PALLD: variants seen among roughly 807,000 people sequenced by gnomAD.
PALLD encodes the protein palladin, cytoskeletal associated protein, also known as palladin.
PALLD carries 61 observed loss-of-function variants against 123.5 expected under a neutral mutation model. The ratio of observed to expected loss-of-function variants is 0.49; its 90% CI spans 0.40 to 0.61. PALLD has a LOEUF of 0.61. Ranked by LOEUF, PALLD falls within the 20% of genes least tolerant of loss-of-function variation. PALLD has a pLI of 0.00. For missense variants in PALLD, 1,273 were observed against 1,377.0 expected (o/e 0.92, Z 1.20); for synonymous variants, 465 against 496.4 (o/e 0.94, Z 0.84).
At chr4:168,801,152 C>A (rs1739265301) in intron 10 of PALLD, among the ~76,000 whole-genome samples, 1 of 152,166 alleles carries the variant, frequency 6.6e-6, no homozygotes, top group Non-Finnish European at 1.5e-5. Context: ...ATTGCGGTTA[C>A]CCTGGGAAAA....
At chr4:168,924,485 ATT>A in intron 19 of PALLD, 65 bp downstream of exon 19, 1 of 1,394,856 alleles carries the variant, frequency 7.2e-7, no homozygotes, top group Non-Finnish European at 1.0e-6. Flanking sequence ...CAAAAGATAC[ATT>A]TTATATAGCA....
At chr4:168,707,638 C>T (rs1410936260) in intron 8 of PALLD, among the ~76,000 whole-genome samples, 5 of 152,138 alleles carry the variant, frequency 3.3e-5, no homozygotes. Context: ...AGGGCCAGCC[C>T]AGGTTCAACG....
intron 3 of PALLD, among the ~76,000 whole-genome samples, chr4:168,675,959 G>C (rs1024080724): frequency 6.6e-6 from 1 of 152,166 alleles, no homozygotes; most frequent in Admixed American, 6.5e-5. Context: ...GGAAGGCTGA[G>C]GTGGGAGGGT....
chr4:168,619,496 G>T lies in PALLD; in HGVS notation c.909-48694G>T, dbSNP rs145157891. Among the ~76,000 whole-genome samples the T allele has an allele frequency of 3.0e-3, 462 of 152,368 alleles. 2 individuals are homozygous for T. The highest frequency in any genetic ancestry group is 0.01 in the African/African-American group (432 of 41,586). ...TGCACATGAAGATGATGTCACTGCT[G>T]TTGTAGGGATAGCCAGTTAGGAGGC... On this transcript the variant is annotated intron_variant, in intron 2 of 21. Transcript: ENST00000505667.
At chr4:168,542,449 C>T (rs192149010) in intron 2 of PALLD, among the ~76,000 whole-genome samples, 4 of 151,498 alleles carry the variant, frequency 2.6e-5, no homozygotes, top group African/African-American at 9.7e-5. Flanking sequence ...AACTGCTGCA[C>T]CCTATTAACA....
intron 10 of PALLD, among the ~76,000 whole-genome samples, chr4:168,795,497 G>C (rs1738358310): frequency 1.3e-5 from 2 of 152,156 alleles, no homozygotes; most frequent in Non-Finnish European, 2.9e-5. Flanking sequence ...TACAGCATCT[G>C]AGGTTTTCCA....
intron 10 of PALLD, among the ~76,000 whole-genome samples, chr4:168,851,081 C>G (rs1308890477): frequency 6.6e-6 from 1 of 152,082 alleles, no homozygotes; most frequent in African/African-American, 2.4e-5. Flanking sequence ...CCTACAGTCT[C>G]CCTTCTTGTC....
At chr4:168,727,892 GA>G (rs1786755804) in intron 10 of PALLD, among the ~76,000 whole-genome samples, 1 of 152,178 alleles carries the variant, frequency 6.6e-6, no homozygotes, top group African/African-American at 2.4e-5. Flanking sequence ...TGTATATGGT[GA>G]AAGGTAAGGG....
chr4:168,630,202 A>C (rs1775680561), intron 2 of PALLD, among the ~76,000 whole-genome samples: 1 of 152,230 alleles, frequency 6.6e-6, no homozygotes, highest in Non-Finnish European at 1.5e-5. Flanking sequence ...GACTCACCCA[A>C]CAGGGCCACC....
chr4:168,904,401 T>C (rs1757186815), intron 15 of PALLD: 1 of 159,128 alleles, frequency 6.3e-6, no homozygotes, highest in Admixed American at 5.9e-5. Flanking sequence ...TTCAGGTTTA[T>C]CAGTTTTCAT....
chr4:168,803,684 C>CA (rs5863961), intron 10 of PALLD, among the ~76,000 whole-genome samples: 99,239 of 137,610 alleles, frequency 0.72, 35,375 homozygotes, highest in South Asian at 0.75. Context: ...GACCCTGTCT[C>CA]AAAAAAAAAA....
intron 2 of PALLD, among the ~76,000 whole-genome samples, chr4:168,621,890 T>G (rs1774797145): frequency 6.6e-6 from 1 of 152,178 alleles, no homozygotes; most frequent in Non-Finnish European, 1.5e-5. Context: ...AAAAGTCCTT[T>G]GCACACAAAA....
intron 1 of PALLD, among the ~76,000 whole-genome samples, chr4:168,502,502 C>T (rs1464210924): frequency 1.3e-5 from 2 of 152,106 alleles, no homozygotes; most frequent in Non-Finnish European, 1.5e-5. Flanking sequence ...TATATGTATA[C>T]ACTAACATTT....
chr4:168,722,065 G>A (rs767395893), intron 10 of PALLD, among the ~76,000 whole-genome samples: 1 of 152,108 alleles, frequency 6.6e-6, no homozygotes, highest in African/African-American at 2.4e-5. Context: ...GTATTTTCAA[G>A]CCAGGGTCTC....
At chr4:168,877,703 ACTTCT>A in intron 10 of PALLD, 1 of 1,111,462 alleles carries the variant, frequency 9.0e-7, no homozygotes, top group Non-Finnish European at 1.1e-6. Flanking sequence ...TGAAGGTGTC[ACTTCT>A]CTTTTTCCCC....
At chr4:168,866,092 C>T (rs1286987709) in intron 10 of PALLD, among the ~76,000 whole-genome samples, 1 of 146,962 alleles carries the variant, frequency 6.8e-6, no homozygotes, top group African/African-American at 2.6e-5. Flanking sequence ...AAGACCCTGT[C>T]TCTACTAAAA....
At chr4:168,663,134 G>T (rs1580823898) in intron 2 of PALLD, among the ~76,000 whole-genome samples, 1 of 152,294 alleles carries the variant, frequency 6.6e-6, no homozygotes, top group South Asian at 2.1e-4. Flanking sequence ...ATGGCAATGT[G>T]CCCTGTTTGA....
At chr4:168,902,199 T>C (rs1248608477) in intron 14 of PALLD, among the ~76,000 whole-genome samples, 5 of 152,240 alleles carry the variant, frequency 3.3e-5, no homozygotes, top group Admixed American at 6.5e-5. Flanking sequence ...ATTTACATAC[T>C]GATTTATATT....
At chr4:168,754,971 G>A (rs1581289569) in intron 10 of PALLD, among the ~76,000 whole-genome samples, 1 of 152,184 alleles carries the variant, frequency 6.6e-6, no homozygotes, top group Non-Finnish European at 1.5e-5. Flanking sequence ...AGTGGCTCAC[G>A]TCTGTAATCC....
Sources: allele counts gnomAD v4.1 joint callset (sites outside exome capture counted in the v4.1 genomes callset), GRCh38; gene constraint gnomAD v4.1.1; transcripts MANE v1.5; gene names NCBI Gene and HGNC (gene_info 2026-07-23, HGNC 2026-07-21).